CTNNA2: variants seen among roughly 807,000 people sequenced by gnomAD.
CTNNA2 encodes the protein catenin alpha 2, also known as catenin alpha-2.
CTNNA2 carries 42 observed loss-of-function variants against 101.0 expected under a neutral mutation model. The ratio of observed to expected loss-of-function variants is 0.42; its 90% CI spans 0.32 to 0.54. The LOEUF (loss-of-function observed/expected upper bound fraction) is 0.54, where lower values mean the gene tolerates loss of function less well. Ranked by LOEUF, CTNNA2 falls within the 20% of genes least tolerant of loss-of-function variation. The pLI is 0.14. For missense variants in CTNNA2, 871 were observed against 1,223.1 expected (o/e 0.71, Z 4.29); for synonymous variants, 450 against 456.4 (o/e 0.99, Z 0.18).
intron 7 of CTNNA2, among the ~76,000 whole-genome samples, chr2:80,243,996 C>T (rs184419884): frequency 1.8e-4 from 27 of 152,168 alleles, no homozygotes; most frequent in Middle Eastern, 3.2e-3. Context: ...CTGCATCAAA[C>T]GTGGCCTCAT....
At chr2:79,974,761 T>G (rs1352233499) in intron 7 of CTNNA2, among the ~76,000 whole-genome samples, 2 of 152,096 alleles carry the variant, frequency 1.3e-5, no homozygotes, top group African/African-American at 2.4e-5. Flanking sequence ...ATAATACAAA[T>G]TATAAACAAA....
At chr2:80,562,673 C>A (rs1326250457) in intron 12 of CTNNA2, among the ~76,000 whole-genome samples, 1 of 152,040 alleles carries the variant, frequency 6.6e-6, no homozygotes, top group Non-Finnish European at 1.5e-5. Flanking sequence ...AGGCTAGAAA[C>A]AACACAAATA....
chr2:80,143,826 C>A (rs1459431558), intron 7 of CTNNA2, among the ~76,000 whole-genome samples: 1 of 152,006 alleles, frequency 6.6e-6, no homozygotes, highest in African/African-American at 2.4e-5. Context: ...ATTATTGTTC[C>A]AAAGACCCAG....
intron 7 of CTNNA2, among the ~76,000 whole-genome samples, chr2:80,179,044 CAG>C (rs1705587204): frequency 6.6e-6 from 1 of 152,170 alleles, no homozygotes. Context: ...GATACAATGC[CAG>C]AGAGTTGATG....
chr2:80,543,727 T>G (rs957017448), intron 9 of CTNNA2, among the ~76,000 whole-genome samples: 22 of 152,198 alleles, frequency 1.4e-4, no homozygotes, highest in Admixed American at 1.3e-3. Context: ...GCCTAAGGTT[T>G]CTTTCACATT....
intron 2 of CTNNA2, among the ~76,000 whole-genome samples, chr2:79,707,215 C>T (rs1466448530): frequency 6.6e-6 from 1 of 152,130 alleles, no homozygotes; most frequent in Non-Finnish European, 1.5e-5. Context: ...GGATTTCAGA[C>T]CCACTGGTAC....
At chr2:80,089,734 C>T (rs1293947322) in intron 7 of CTNNA2, among the ~76,000 whole-genome samples, 1 of 152,014 alleles carries the variant, frequency 6.6e-6, no homozygotes, top group Non-Finnish European at 1.5e-5. Context: ...CTTACCACCC[C>T]ATTCTGCTTT....
At chr2:79,725,218 A>G (rs544598872) in intron 2 of CTNNA2, among the ~76,000 whole-genome samples, 1 of 152,342 alleles carries the variant, frequency 6.6e-6, no homozygotes, top group East Asian at 1.9e-4. Context: ...GTTAAAATCT[A>G]TTTGATATTT....
At chr2:80,630,970 CAGATGTA>C (rs1473856242) in intron 18 of CTNNA2, among the ~76,000 whole-genome samples, 1 of 152,148 alleles carries the variant, frequency 6.6e-6, no homozygotes, top group African/African-American at 2.4e-5. Context: ...GCAGTGACTT[CAGATGTA>C]ACAGAAATCA....
At chr2:80,446,065 A>G (rs1203688622) in intron 9 of CTNNA2, among the ~76,000 whole-genome samples, 1 of 152,204 alleles carries the variant, frequency 6.6e-6, no homozygotes, top group Non-Finnish European at 1.5e-5. Flanking sequence ...TAATGTGTTC[A>G]ATAAATGTAT....
chr2:79,995,385 G>A (rs895702534), intron 7 of CTNNA2, among the ~76,000 whole-genome samples: 4 of 152,132 alleles, frequency 2.6e-5, no homozygotes, highest in Non-Finnish European at 4.4e-5. Context: ...GTACCTGTGA[G>A]GAAGCAGCCT....
chr2:79,554,559 T>G (rs1674322472), intron 1 of CTNNA2, among the ~76,000 whole-genome samples: 1 of 152,152 alleles, frequency 6.6e-6, no homozygotes. Flanking sequence ...TCATACCCAT[T>G]GCCAGGCCAT....
chr2:79,816,924 C>G (rs1912694), intron 3 of CTNNA2, among the ~76,000 whole-genome samples: 15,214 of 152,200 alleles, frequency 0.1, 1,054 homozygotes, highest in African/African-American at 0.19. Context: ...TTTCCCCTGT[C>G]CTAATGTGTA....
intron 1 of CTNNA2, among the ~76,000 whole-genome samples, chr2:79,194,829 G>A (rs891017491): frequency 6.6e-6 from 1 of 152,202 alleles, no homozygotes; most frequent in Non-Finnish European, 1.5e-5. Context: ...TCATTTCAGA[G>A]ACACCAGAGG....
intron 7 of CTNNA2, among the ~76,000 whole-genome samples, chr2:80,036,848 T>TGTGAGAGA (rs1402170411): frequency 8.3e-6 from 1 of 120,236 alleles, no homozygotes; most frequent in African/African-American, 3.3e-5. Flanking sequence ...TGTGTGTGTG[T>TGTGAGAGA]GAGAGAGAGA....
intron 7 of CTNNA2, among the ~76,000 whole-genome samples, chr2:80,301,503 CT>C (rs1676303877): frequency 6.6e-6 from 1 of 152,118 alleles, no homozygotes; most frequent in Admixed American, 6.5e-5. Flanking sequence ...CTAGGAGAAA[CT>C]GTCTGGCATT....
chr2:80,215,554 C>T (rs1021885874), intron 7 of CTNNA2, among the ~76,000 whole-genome samples: 1 of 152,174 alleles, frequency 6.6e-6, no homozygotes, highest in African/African-American at 2.4e-5. Flanking sequence ...CTGGGTAACA[C>T]CAGCTGAGGC....
chr2:79,670,560 G>T (rs532456179), intron 2 of CTNNA2, among the ~76,000 whole-genome samples: 2 of 152,234 alleles, frequency 1.3e-5, no homozygotes, highest in East Asian at 3.9e-4. Flanking sequence ...AATAAATGAA[G>T]AAATAAATAT....
chr2:79,288,839 G>T (rs967016933), intron 2 of CTNNA2, among the ~76,000 whole-genome samples: 9 of 152,148 alleles, frequency 5.9e-5, no homozygotes, highest in Non-Finnish European at 1.2e-4. Flanking sequence ...TTCAGTGGGG[G>T]AACTTTCAAA....
Sources: gnomAD v4.1 joint callset for allele counts (sites outside exome capture counted in the v4.1 genomes callset) on GRCh38, gnomAD v4.1.1 for gene constraint, MANE v1.5 for transcripts, NCBI Gene and HGNC (gene_info 2026-07-23, HGNC 2026-07-21) for gene names.